Variants in SDS observed in about 807,000 individuals in gnomAD.
SDS encodes L-serine dehydratase/L-threonine deaminase.
Under a neutral mutation model 29.3 loss-of-function variants are expected in SDS, and 19 were observed. The ratio of observed to expected loss-of-function variants is 0.65; its 90% CI spans 0.45 to 0.95. The LOEUF is 0.95. SDS is among the 40% of genes least tolerant of loss of function. SDS has a pLI of 0.00. For synonymous variants in SDS, 176 were observed against 189.0 expected (o/e 0.93, Z 0.56); for missense variants, 375 against 439.9 (o/e 0.85, Z 1.32).
chr12:113,398,803 G>A lies in SDS; in HGVS notation c.237C>T (p.Leu79=), dbSNP rs747567329. ...GMAAAYAARQ[L]GVPATIVVPS... is the part of the protein sequence containing the mutation. ...GCACCACGATGGTGGCGGGGACGCCGAGTTGCCTGGCCGCATATGCAGCCG... is the reference window on the plus strand; with the variant it reads ...GCACCACGATGGTGGCGGGGACGCCAAGTTGCCTGGCCGCATATGCAGCCG... The change falls in exon 4 of 8, where the codon CTC becomes CTT. Residue 79 remains leucine, a synonymous_variant. Transcript: ENST00000257549. 9 of 1,611,558 alleles carry A rather than the reference G, an allele frequency of 5.6e-6. No homozygotes were observed. The highest frequency in any genetic ancestry group is 3.4e-5 in the Admixed American group (2 of 59,682).
At chr12:113,393,765 A>T in intron 7 of SDS, 127 bp downstream of exon 7, 1 of 1,247,872 alleles carries the variant, frequency 8.0e-7, no homozygotes, top group Non-Finnish European at 1.1e-6. Flanking sequence ...GGAAAATTCT[A>T]GGCAGAGGTG....
intron 1 of SDS, among the ~76,000 whole-genome samples, chr12:113,400,026 G>A (rs369974528): frequency 6.6e-6 from 1 of 152,364 alleles, no homozygotes; most frequent in East Asian, 1.9e-4. Context: ...GGGCACAGTG[G>A]CTTATGCATG....
At chr12:113,399,820 G>T (rs1423111290) in intron 1 of SDS, 110 bp from the exon 2 acceptor site, 2 of 1,108,438 alleles carry the variant, frequency 1.8e-6, no homozygotes, top group South Asian at 1.8e-5. Context: ...GGCCTCAGAC[G>T]AGAGAGCATC....
At chr12:113,395,773 A>G (rs1258505062) in intron 6 of SDS, among the ~76,000 whole-genome samples, 1 of 152,144 alleles carries the variant, frequency 6.6e-6, no homozygotes, top group Non-Finnish European at 1.5e-5. Flanking sequence ...AGTCACTGTT[A>G]TTTGGGCCTT....
chr12:113,393,140 T>G lies in SDS; in HGVS notation c.788A>C (p.Lys263Thr). 6.2e-7 allele frequency: 1 copy of G among 1,613,794 alleles called. No individual in the cohort carries two copies. Among genetic ancestry groups the G allele is most frequent in the Non-Finnish European group, 8.5e-7 (1 of 1,179,978 alleles). ...CCCGCAGGCGGGCTCCACCAGGATC[T>G]TCTCATCATCTGCCAGAGAAGGGGC... ...AAIEKFVDDE[K>T]ILVEPACGAA... Residue 263 changes from lysine (K) to threonine (T), a missense_variant, in exon 8 of 8, where the codon AAG becomes ACG. Lys to Thr is a moderately conservative substitution (Grantham distance 78). Coordinates refer to ENST00000257549, the MANE Select transcript of SDS (RefSeq NM_006843.3).
intron 3 of SDS, 35 bp from the exon 4 acceptor site, chr12:113,398,881 G>A (rs752750963): frequency 1.1e-5 from 17 of 1,564,138 alleles, no homozygotes; most frequent in Admixed American, 3.8e-5. Context: ...GTGTCAGTGC[G>A]GGAGCATCTG....
chr12:113,394,570 C>T (rs1957633854), intron 6 of SDS, among the ~76,000 whole-genome samples: 1 of 152,006 alleles, frequency 6.6e-6, no homozygotes, highest in African/African-American at 2.4e-5. Context: ...GAATTCCTGA[C>T]CTTAGGTGAT....
intron 1 of SDS, 150 bp from the exon 2 acceptor site, chr12:113,399,860 GC>G: frequency 1.4e-6 from 1 of 701,658 alleles, no homozygotes; most frequent in Middle Eastern, 4.2e-4. Flanking sequence ...TCGCAAGTGG[GC>G]CACCTACTCA....
chr12:113,398,657 G>A, intron 4 of SDS, 50 bp downstream of exon 4: 1 of 1,606,940 alleles, frequency 6.2e-7, no homozygotes. Flanking sequence ...GGGGCACCCT[G>A]TCCAGCCACC....
At chr12:113,393,228 C>T in intron 7 of SDS, 79 bp from the exon 8 acceptor site, 1 of 1,330,716 alleles carries the variant, frequency 7.5e-7, no homozygotes, top group Middle Eastern at 2.6e-4. Flanking sequence ...TTGGCAGGAC[C>T]TGGGAATACT....
In SDS at chr12:113,392,885, A is replaced by T. The variant is rs943687108; in HGVS notation, c.*56T>A. The T allele has an allele frequency of 3.9e-6, 6 of 1,525,684 alleles. No homozygotes were observed. The highest frequency in any genetic ancestry group is 5.4e-6 in the Non-Finnish European group (6 of 1,109,040). The allele number at this position is 1,525,684 out of a possible 1,614,324, so 94.5% of individuals were successfully genotyped here. Reference sequence around the variant, plus strand: ...ACGACGAGGCGCTGGATAAAACTCCAGCCCCTCCAGGGGTCTCTTGGGCTA... The same window carrying T: ...ACGACGAGGCGCTGGATAAAACTCCTGCCCCTCCAGGGGTCTCTTGGGCTA... On this transcript the variant is annotated 3_prime_UTR_variant, in exon 8 of 8. Coordinates refer to ENST00000257549, the MANE Select transcript of SDS (RefSeq NM_006843.3).
chr12:113,396,544 CCCTTCCTTCCTTCCTTCCTTCCTT>C (rs747637585), intron 6 of SDS: 4 of 25,776 alleles, frequency 1.6e-4, no homozygotes, highest in African/African-American at 3.4e-4. Context: ...CTCCCTCTCT[CCCTTCCTTCCTTCCTTCCTTCCTT>C]CCTTCCTTCC....
rs758426159 is a variant in SDS, at chr12:113,392,981, A to G, written c.947T>C (p.Leu316Pro). 1.2e-6 allele frequency: 2 copies of G among 1,614,120 alleles called. No individual in the cohort carries two copies. Among genetic ancestry groups the G allele is most frequent in the Non-Finnish European group, 1.7e-6 (2 of 1,180,022 alleles). Residue 316 changes from leucine to proline, a missense_variant, in exon 8 of 8, where the codon CTC becomes CCC. By Grantham distance (98) the Leu-to-Pro change is moderately conservative. Coordinates refer to ENST00000257549, the MANE Select transcript of SDS (RefSeq NM_006843.3). Reference sequence around the variant, plus strand: ...ATTTGTCATGCCCAGCTGTTCCTTGAGCGCCCGCAGCTGGGCCAGGCTGAT... The same window carrying G: ...ATTTGTCATGCCCAGCTGTTCCTTGGGCGCCCGCAGCTGGGCCAGGCTGAT... Reference protein sequence around the residue: ...SNISLAQLRALKEQLGMTNRL... With the variant: ...SNISLAQLRAPKEQLGMTNRL...
intron 1 of SDS, among the ~76,000 whole-genome samples, chr12:113,401,068 C>T (rs932359005): frequency 5.9e-5 from 9 of 152,108 alleles, no homozygotes; most frequent in East Asian, 1.9e-4. Context: ...GAGCCGAGAT[C>T]GCGCCACTGC....
intron 6 of SDS, among the ~76,000 whole-genome samples, chr12:113,395,839 C>T (rs954062425): frequency 3.3e-5 from 5 of 152,254 alleles, no homozygotes; most frequent in South Asian, 4.1e-4. Flanking sequence ...CAGCCGGGTG[C>T]GGTGGCTCAC....
intron 1 of SDS, among the ~76,000 whole-genome samples, chr12:113,401,932 G>A (rs1191892023): frequency 6.6e-6 from 1 of 152,158 alleles, no homozygotes; most frequent in African/African-American, 2.4e-5. Flanking sequence ...GGCCAGGCAA[G>A]GGTGGCTAGC....
intron 6 of SDS, among the ~76,000 whole-genome samples, chr12:113,394,379 G>A (rs1364273173): frequency 7.2e-6 from 1 of 138,382 alleles, no homozygotes; most frequent in Admixed American, 7.7e-5. Flanking sequence ...TTGCTCTGTT[G>A]CCCAGGCTGG....
intron 7 of SDS, among the ~76,000 whole-genome samples, chr12:113,393,556 C>T (rs1468684611): frequency 1.3e-5 from 2 of 152,184 alleles, no homozygotes. Flanking sequence ...ACAGACTCAC[C>T]TCTGAATGAA....
intron 2 of SDS, 136 bp from the exon 3 acceptor site, chr12:113,399,287 C>T (rs1190855840): frequency 1.9e-5 from 19 of 989,738 alleles, no homozygotes; most frequent in Non-Finnish European, 2.8e-5. Context: ...CTACCCTTGT[C>T]TGAGACTGCA....
Sources: allele counts gnomAD v4.1 joint callset (sites outside exome capture counted in the v4.1 genomes callset), GRCh38; gene constraint gnomAD v4.1.1; transcripts MANE v1.5; gene names NCBI Gene and HGNC (gene_info 2026-07-23, HGNC 2026-07-21).